SEC31B: variants seen among roughly 807,000 people sequenced by gnomAD.
SEC31B encodes protein transport protein Sec31B.
Under a neutral mutation model 135.0 loss-of-function variants are expected in SEC31B, and 113 were observed. That is an observed-to-expected ratio of 0.84 (90% CI 0.72 to 0.98). The LOEUF (loss-of-function observed/expected upper bound fraction) is 0.98. SEC31B is among the 50% of genes least tolerant of loss of function. SEC31B has a pLI of 0.00. For synonymous variants in SEC31B, 508 were observed against 549.4 expected, an observed-to-expected ratio of 0.92 and a Z score of 1.05; for missense variants, 1,296 against 1,421.1, an observed-to-expected ratio of 0.91 and a Z score of 1.42.
chr10:100,514,986 A>C (rs2133699097), intron 3 of SEC31B, among the ~76,000 whole-genome samples: 1 of 151,420 alleles, frequency 6.6e-6, no homozygotes, highest in South Asian at 2.1e-4. Context: ...ATCTCAAAAA[A>C]AAAAAAAAAA....
intron 19 of SEC31B, 144 bp downstream of exon 19, chr10:100,495,241 T>G (rs1851383410): frequency 1.2e-6 from 1 of 812,272 alleles, no homozygotes; most frequent in Non-Finnish European, 2.0e-6. Flanking sequence ...AATAAACAGT[T>G]ATTTATTATA....
At chr10:100,513,462 TTTC>T (rs1421819544) in intron 3 of SEC31B, among the ~76,000 whole-genome samples, 5 of 151,932 alleles carry the variant, frequency 3.3e-5, no homozygotes, top group Non-Finnish European at 7.4e-5. Context: ...AACCCAGAAG[TTTC>T]TTCTTCTTTT....
intron 11 of SEC31B, chr10:100,500,214 G>A (rs1486169872): frequency 4.4e-6 from 2 of 456,464 alleles, no homozygotes; most frequent in Non-Finnish European, 8.8e-6. Context: ...TCCCACAGAA[G>A]ACACCTGCCT....
At chr10:100,505,850 C>A in intron 9 of SEC31B, 190 bp downstream of exon 9, 1 of 1,491,018 alleles carries the variant, frequency 6.7e-7, no homozygotes, top group Non-Finnish European at 8.9e-7. Flanking sequence ...AAGGTGAAGG[C>A]CTTCTTCACA....
In SEC31B at chr10:100,497,654, G is replaced by A. The variant is rs1003036632; in HGVS notation, c.1990+13C>T. 15 of 1,613,960 alleles carry A rather than the reference G, an allele frequency of 9.3e-6. No homozygotes were observed. In the African/African-American group the frequency reaches 1.5e-4, roughly 16 times the overall value. On this transcript the variant is annotated intron_variant, in intron 16 of 25. Coordinates refer to ENST00000370345, the MANE Select transcript of SEC31B (RefSeq NM_015490.4). ...TCACACCATTTCATCCTGAAGCCTG[G>A]GACCACACTTACCACAGAGCTCGGG...
At position 100,505,323 on chromosome 10, in the gene SEC31B, C is replaced by G. The variant is rs960183700; in HGVS notation, c.1179+38G>C. 9 of 1,600,750 alleles carry G rather than the reference C, an allele frequency of 5.6e-6. No individual in the cohort carries two copies. The African/African-American group carries it at 1.2e-4, about 22-fold the overall frequency. ...AAACACACACACACACACACACACA[C>G]ACAAACACACACACACCTATACATC... On this transcript the variant is annotated intron_variant, in intron 10 of 25. Transcript: ENST00000370345.
chr10:100,498,146 C>T lies in SEC31B; in HGVS notation c.1746G>A (p.Leu582=), dbSNP rs956867052. The T allele has an allele frequency of 3.1e-6, 5 of 1,614,226 alleles. No homozygotes were observed. The highest frequency in any genetic ancestry group is 4.2e-6 in the Non-Finnish European group (5 of 1,180,048). ...CAGCAAAGCGCTCCTCCTTCAGACA[C>T]AGCTCCACGGCCGGACCCAGTTCCC... ...LLGELGPAVE[L]CLKEERFADA... The change falls in exon 15 of 26, where the codon CTG becomes CTA. Residue 582 remains leucine, a synonymous_variant. Transcript: ENST00000370345.
intron 4 of SEC31B, 95 bp from the exon 5 acceptor site, chr10:100,509,197 C>A: frequency 1.3e-6 from 2 of 1,506,974 alleles, no homozygotes; most frequent in Non-Finnish European, 9.2e-7. Flanking sequence ...TATCAAAAGC[C>A]TCCCCTGAAA....
intron 20 of SEC31B, 108 bp from the exon 21 acceptor site, chr10:100,490,430 A>G: frequency 2.6e-6 from 3 of 1,137,278 alleles, no homozygotes; most frequent in Non-Finnish European, 3.7e-6. Context: ...TAAATGATTA[A>G]TACATGTATA....
chr10:100,498,756 C>A lies in SEC31B; in HGVS notation c.1633G>T (p.Asp545Tyr), dbSNP rs144282100. Reference protein sequence around the residue: ...KEASASSAFFDELVPQNMTPW... With the variant: ...KEASASSAFFYELVPQNMTPW... ...GTCATGTTCTGAGGGACCAGCTCAT[C>A]AAAGAAGGCTGAGGAAGCAGAGGCT... is the stretch of plus-strand genomic sequence containing the variant. Residue 545 changes from aspartate (D) to tyrosine (Y), a missense_variant, in exon 14 of 26, where the codon GAT becomes TAT. Transcript: ENST00000370345. The A allele has an allele frequency of 3.1e-6, 5 of 1,613,842 alleles. No homozygotes were observed. The highest frequency in any genetic ancestry group is 4.2e-6 in the Non-Finnish European group (5 of 1,179,944).
rs367545853 is a variant in SEC31B, at chr10:100,490,195, G to C, written c.2778C>G (p.Gly926=). The C allele has an allele frequency of 2.4e-5, 39 of 1,610,004 alleles. No homozygotes were observed. Among genetic ancestry groups the C allele is most frequent in the Non-Finnish European group, 3.1e-5 (37 of 1,178,216 alleles). The change falls in exon 21 of 26, where the codon GGC becomes GGG. Residue 926 remains glycine, a synonymous_variant. Coordinates refer to ENST00000370345, the MANE Select transcript of SEC31B (RefSeq NM_015490.4). ...TAGGAGTCTCAGGCAGGGAGGTAGAGCCAGGTCGCATGATGCCTGGGCATG... is the reference window on the plus strand; with the variant it reads ...TAGGAGTCTCAGGCAGGGAGGTAGACCCAGGTCGCATGATGCCTGGGCATG... ...PMACPGIMRP[G]STSLPETPRL...
rs995106561 is a variant in SEC31B, at chr10:100,487,366, G to A, written c.*250C>T. On this transcript the variant is annotated 3_prime_UTR_variant, in exon 26 of 26. Transcript: ENST00000370345. ...TCCTTACAGAGTGTAGTATTAGGGA[G>A]AGTGAAGAACTGATTCTATGCCCTG... 100 of 518,602 alleles carry A rather than the reference G, an allele frequency of 1.9e-4. No homozygotes were observed. The highest frequency in any genetic ancestry group is 3.0e-4 in the Non-Finnish European group (87 of 287,908). The allele number at this position is 518,602 out of a possible 1,614,324, so 32.1% of individuals were successfully genotyped here. A position where few individuals can be genotyped will look rare whatever the true frequency, so the allele number is the denominator to read the frequency against.
chr10:100,492,276 G>C (rs1851315182), intron 19 of SEC31B, among the ~76,000 whole-genome samples: 1 of 152,188 alleles, frequency 6.6e-6, no homozygotes, highest in Non-Finnish European at 1.5e-5. Context: ...CCAGGCTGGA[G>C]TGCAATGGCA....
At chr10:100,500,048 T>C (rs1851488959) in intron 11 of SEC31B, 1 of 456,394 alleles carries the variant, frequency 2.2e-6, no homozygotes, top group South Asian at 1.6e-5. Context: ...GCTTTTAGAA[T>C]TGGTACAAGA....
At chr10:100,491,458 A>T (rs1053921664) in intron 19 of SEC31B, among the ~76,000 whole-genome samples, 1 of 152,242 alleles carries the variant, frequency 6.6e-6, no homozygotes, top group Non-Finnish European at 1.5e-5. Context: ...AAAACTACAC[A>T]TCAATATTTC....
At chr10:100,513,682 C>A (rs1173490255) in intron 3 of SEC31B, among the ~76,000 whole-genome samples, 1 of 151,616 alleles carries the variant, frequency 6.6e-6, no homozygotes, top group Non-Finnish European at 1.5e-5. Context: ...GTTGGCCAGG[C>A]TGGTCTTGAA....
intron 10 of SEC31B, among the ~76,000 whole-genome samples, chr10:100,502,824 A>T (rs1851548811): frequency 6.6e-6 from 1 of 152,170 alleles, no homozygotes; most frequent in South Asian, 2.1e-4. Context: ...GCAACGACAA[A>T]GTCCTACCTA....
intron 9 of SEC31B, 127 bp downstream of exon 9, chr10:100,505,913 C>T: frequency 2.0e-6 from 3 of 1,537,758 alleles, no homozygotes; most frequent in Non-Finnish European, 2.6e-6. Context: ...GGCAAAGGTG[C>T]AGCCCTCCCA....
intron 19 of SEC31B, among the ~76,000 whole-genome samples, chr10:100,492,995 T>C (rs1851329638): frequency 6.6e-6 from 1 of 152,220 alleles, no homozygotes; most frequent in Non-Finnish European, 1.5e-5. Context: ...TAGGAACTTG[T>C]ATTTGAATAC....
Sources: gnomAD v4.1 joint callset for allele counts (sites outside exome capture counted in the v4.1 genomes callset) on GRCh38, gnomAD v4.1.1 for gene constraint, MANE v1.5 for transcripts, NCBI Gene and HGNC (gene_info 2026-07-23, HGNC 2026-07-21) for gene names.